Variants in PACS2 observed in about 807,000 individuals in gnomAD.
The protein encoded by PACS2 is phosphofurin acidic cluster sorting protein 2.
In PACS2, 36 loss-of-function variants were observed where a neutral mutation model predicts 113.0. The observed-to-expected ratio is 0.32, with a 90% CI of 0.24 to 0.42. PACS2 has a LOEUF of 0.42. PACS2 is among the 10% of genes least tolerant of loss of function. The pLI, the probability that PACS2 is intolerant of heterozygous loss-of-function variation, is 1.00. For synonymous variants in PACS2, 589 were observed against 536.1 expected, an observed-to-expected ratio of 1.10 and a Z score of -1.36; for missense variants, 1,015 against 1,239.5, an observed-to-expected ratio of 0.82 and a Z score of 2.72.
chr14:105,394,727 A>G lies in PACS2; in HGVS notation c.*55A>G, dbSNP rs1595202100. 24 of 1,079,686 alleles carry G rather than the reference A, an allele frequency of 2.2e-5. No homozygotes were observed. The East Asian group carries it at 5.7e-4, about 26-fold the overall frequency. The allele number at this position is 1,079,686 out of a possible 1,614,324, so 66.9% of individuals were successfully genotyped here. A position where few individuals can be genotyped will look rare whatever the true frequency, so the allele number is the denominator to read the frequency against. The stretch of plus-strand genomic sequence containing the variant: ...CCCATGCTGTGAGGGGCCCAGCTGC[A>G]TTTCTGTTAACATTTCAGTTTACTA... On this transcript the variant is annotated 3_prime_UTR_variant, in exon 25 of 25. Coordinates refer to ENST00000447393, the MANE Select transcript of PACS2 (RefSeq NM_001100913.3).
chr14:105,336,929 C>T (rs1046076760), intron 1 of PACS2, among the ~76,000 whole-genome samples: 2 of 152,216 alleles, frequency 1.3e-5, no homozygotes, highest in South Asian at 2.1e-4. Context: ...GGGAGATCTC[C>T]ACCCTGTGTT....
chr14:105,390,758 A>G, intron 20 of PACS2: 1 of 206,384 alleles, frequency 4.8e-6, no homozygotes. Context: ...CTCCGGTGAC[A>G]AGAGTACACT....
At chr14:105,337,428 C>T (rs587762142) in intron 1 of PACS2, among the ~76,000 whole-genome samples, 2 of 152,322 alleles carry the variant, frequency 1.3e-5, no homozygotes, top group South Asian at 2.1e-4. Flanking sequence ...ATGGTTCAAA[C>T]GGCAAGTTTT....
Position 105,366,938 on chromosome 14 carries a change from C to G in PACS2, c.424-275C>G, listed in dbSNP as rs1336476420. ...CTGGCACTGGCCTCTCCAGCACAGC[C>G]CAGTGCCCTCTGCTTATGGCCCGTT... On this transcript the variant is annotated intron_variant, in intron 4 of 24. Transcript: ENST00000447393. The surrounding 1 kb of genome is among the most constrained non-coding windows in gnomAD (Gnocchi z 4.3). 1.3e-5 allele frequency among the ~76,000 whole-genome samples: 2 copies of G among 152,306 alleles called. No individual in the cohort carries two copies. The highest frequency in any genetic ancestry group is 4.1e-4 in the South Asian group (2 of 4,828).
chr14:105,315,199 C>G lies in PACS2; in HGVS notation c.119+162C>G, dbSNP rs1232266622. ...TCGACGCGTGCAGCCGCCGCCCCCC[C>G]GCAGCTCCGGCAAGCGCGGCCCCAG... On this transcript the variant is annotated intron_variant, in intron 1 of 24. Coordinates refer to ENST00000447393, the MANE Select transcript of PACS2 (RefSeq NM_001100913.3). This position sits in a 1 kb window ranked among gnomAD's most constrained non-coding sequence, Gnocchi z 4.4. 1.9e-5 allele frequency: 5 copies of G among 268,332 alleles called. No individual in the cohort carries two copies. The highest frequency in any genetic ancestry group is 4.6e-5 in the African/African-American group (2 of 43,914). The allele number at this position is 268,332 out of a possible 1,614,324, so 16.6% of individuals were successfully genotyped here. A position where few individuals can be genotyped will look rare whatever the true frequency, so the allele number is the denominator to read the frequency against.
intron 20 of PACS2, 119 bp downstream of exon 20, chr14:105,390,122 G>C: frequency 1.1e-6 from 1 of 947,836 alleles, no homozygotes; most frequent in Non-Finnish European, 1.7e-6. Context: ...GATACGAGCT[G>C]GGGATTTGCC....
At chr14:105,360,969 T>C (rs1314039534) in intron 4 of PACS2, among the ~76,000 whole-genome samples, 2 of 152,222 alleles carry the variant, frequency 1.3e-5, no homozygotes, top group Admixed American at 6.5e-5. Flanking sequence ...CCACTTCTTA[T>C]CAGCTGAAGT....
Position 105,368,109 on chromosome 14 carries a change from T to G in PACS2, c.622T>G (p.Ser208Ala). The change falls in exon 6 of 25, where the codon TCC (serine) becomes GCC (alanine). Residue 208 changes from serine (S) to alanine (A), a missense_variant. Coordinates refer to ENST00000447393, the MANE Select transcript of PACS2 (RefSeq NM_001100913.3). The stretch of plus-strand genomic sequence containing the variant: ...CGAGGAGGAGTATGAGAGCTTCTCC[T>G]CCGAGCAGGAGGCCAGTGACGACGC... The part of the protein sequence containing the change: ...YSEEEYESFS[S>A]EQEASDDAVQ... 1 of 1,611,842 alleles carries G rather than the reference T, an allele frequency of 6.2e-7. No homozygotes were observed. Among genetic ancestry groups the G allele is most frequent in the Non-Finnish European group, 8.5e-7 (1 of 1,178,966 alleles).
upstream of PACS2, among the ~76,000 whole-genome samples, chr14:105,313,261 G>A (rs1006532224): frequency 6.6e-6 from 1 of 152,190 alleles, no homozygotes; most frequent in Non-Finnish European, 1.5e-5. Context: ...GGGTCAATGG[G>A]TGCCTGTCTC....
intron 2 of PACS2, among the ~76,000 whole-genome samples, chr14:105,350,305 C>T (rs587711182): frequency 2.8e-4 from 43 of 152,296 alleles, no homozygotes; most frequent in Non-Finnish European, 5.4e-4. Flanking sequence ...AGGCAAGAGT[C>T]GACCCCTCAC....
At chr14:105,318,409 C>T (rs2058749894) in intron 1 of PACS2, among the ~76,000 whole-genome samples, 1 of 152,120 alleles carries the variant, frequency 6.6e-6, no homozygotes, top group African/African-American at 2.4e-5. Context: ...GCTTCCTGAG[C>T]AGCTGGGACT....
In PACS2 at chr14:105,376,416, G is replaced by A. The variant is rs1393829466; in HGVS notation, c.802-352G>A. On this transcript the variant is annotated intron_variant, in intron 8 of 24. Coordinates refer to ENST00000447393, the MANE Select transcript of PACS2 (RefSeq NM_001100913.3). The surrounding 1 kb of genome is among the most constrained non-coding windows in gnomAD (Gnocchi z 4.7). ...AGGAAGGCAAAGGGGAGCCTCCTGGGTGTGGGGAGCACTTTCTGTCTTGGT... is the reference window on the plus strand; with the variant it reads ...AGGAAGGCAAAGGGGAGCCTCCTGGATGTGGGGAGCACTTTCTGTCTTGGT... Among the ~76,000 whole-genome samples, 2 of 152,150 alleles carry A rather than the reference G, an allele frequency of 1.3e-5. No homozygotes were observed. The highest frequency in any genetic ancestry group is 2.9e-5 in the Non-Finnish European group (2 of 68,026).
chr14:105,307,037 ATTTTTTCT>A (rs1345149158), intron 1 of PACS2, among the ~76,000 whole-genome samples: 18 of 149,898 alleles, frequency 1.2e-4, no homozygotes, highest in Admixed American at 7.3e-4. Context: ...TATTTACTTT[ATTTTTTCT>A]TTTTTTCTTT....
chr14:105,322,488 A>C (rs923432929), intron 1 of PACS2, among the ~76,000 whole-genome samples: 1 of 149,404 alleles, frequency 6.7e-6, no homozygotes, highest in Non-Finnish European at 1.5e-5. Context: ...CTGGTCTCGA[A>C]CTCCTGACCT....
intron 1 of PACS2, among the ~76,000 whole-genome samples, chr14:105,337,182 G>A (rs1290488761): frequency 6.6e-6 from 1 of 152,244 alleles, no homozygotes; most frequent in African/African-American, 2.4e-5. Flanking sequence ...GTCACAGGAG[G>A]ACATGCACTG....
intron 2 of PACS2, among the ~76,000 whole-genome samples, chr14:105,351,205 C>T (rs2060164520): frequency 1.3e-5 from 2 of 152,256 alleles, no homozygotes; most frequent in Non-Finnish European, 2.9e-5. Context: ...CACGAGGTCC[C>T]CAAGCTCATC....
intron 16 of PACS2, 60 bp from the exon 17 acceptor site, chr14:105,384,293 G>A (rs1595161642): frequency 9.8e-7 from 1 of 1,021,216 alleles, no homozygotes; most frequent in Admixed American, 1.8e-5. Context: ...TTGTGCCGCG[G>A]TGGGAGCCTT....
chr14:105,348,149 A>G lies in PACS2; in HGVS notation c.120-344A>G, dbSNP rs1356057537. 2.0e-5 allele frequency among the ~76,000 whole-genome samples: 3 copies of G among 152,106 alleles called. No individual in the cohort carries two copies. The highest frequency in any genetic ancestry group is 2.9e-5 in the Non-Finnish European group (2 of 67,980). On this transcript the variant is annotated intron_variant, in intron 1 of 24. Transcript: ENST00000447393. This position sits in a 1 kb window ranked among gnomAD's most constrained non-coding sequence, Gnocchi z 6.4. ...TGCTCTCACAGCTGGGAGCTGGCTC[A>G]GGACTCTCAGATCTTCTCTTTGTGG...
In PACS2 at chr14:105,348,715, C is replaced by T. The variant is rs1267658775; in HGVS notation, c.207+135C>T. 1.4e-6 allele frequency: 1 copy of T among 697,414 alleles called. No homozygotes were observed. Among genetic ancestry groups the T allele is most frequent in the East Asian group, 2.7e-5 (1 of 36,824 alleles). The allele number at this position is 697,414 out of a possible 1,614,324, so 43.2% of individuals were successfully genotyped here. On this transcript the variant is annotated intron_variant, in intron 2 of 24. Coordinates refer to ENST00000447393, the MANE Select transcript of PACS2 (RefSeq NM_001100913.3). This position sits in a 1 kb window ranked among gnomAD's most constrained non-coding sequence, Gnocchi z 6.4. ...GGCAGCCCATGCCATCTCCGGGAGC[C>T]CGGGGGGCTGGGAATGACAGGATGC...
Sources: gnomAD v4.1 joint callset for allele counts (sites outside exome capture counted in the v4.1 genomes callset) on GRCh38, gnomAD v4.1.1 for gene constraint, Gnocchi (gnomAD v3.1) non-coding constraint, MANE v1.5 for transcripts, NCBI Gene and HGNC (gene_info 2026-07-23, HGNC 2026-07-21) for gene names.